Variants in FLVCR1 observed in about 807,000 individuals in gnomAD.
The protein encoded by FLVCR1 is FLVCR choline and heme transporter 1.
A neutral mutation model predicts 53.6 loss-of-function variants in FLVCR1; 34 were observed. The observed-to-expected ratio is 0.63, with a 90% CI of 0.48 to 0.84. The LOEUF is 0.84. Ranked by LOEUF, FLVCR1 falls within the 40% of genes least tolerant of loss-of-function variation. The probability of loss-of-function intolerance (pLI) is 0.00; values close to 1 mark genes in which losing one functional copy is unlikely to be tolerated. For synonymous variants in FLVCR1, 300 were observed against 286.3 expected (o/e 1.05, Z -0.48); for missense variants, 677 against 696.7 (o/e 0.97, Z 0.32).
chr1:212,875,614 G>C (rs1664729153), intron 3 of FLVCR1, among the ~76,000 whole-genome samples: 1 of 152,104 alleles, frequency 6.6e-6, no homozygotes, highest in South Asian at 2.1e-4. Context: ...AGGCCAAGGT[G>C]GGTGGATCAC....
In FLVCR1 at chr1:212,858,278, C is replaced by G; in HGVS notation, c.-175C>G. 1.6e-6 allele frequency: 1 copy of G among 638,056 alleles called. No homozygotes were observed. The highest frequency in any genetic ancestry group is 2.5e-6 in the Non-Finnish European group (1 of 397,850). The allele number at this position is 638,056 out of a possible 1,614,324, so 39.5% of individuals were successfully genotyped here. A position where few individuals can be genotyped will look rare whatever the true frequency, so the allele number is the denominator to read the frequency against. On this transcript the variant is annotated 5_prime_UTR_variant, in exon 1 of 10. Transcript: ENST00000366971. Reference sequence around the variant, plus strand: ...CTGCCGCGCGGCGCGGGGGAGGAGACCTTCATCTGTTCACGCGGTAGCGCG... The same window carrying G: ...CTGCCGCGCGGCGCGGGGGAGGAGAGCTTCATCTGTTCACGCGGTAGCGCG...
chr1:212,869,336 T>C (rs1319341423), intron 2 of FLVCR1, among the ~76,000 whole-genome samples: 1 of 152,244 alleles, frequency 6.6e-6, no homozygotes, highest in Non-Finnish European at 1.5e-5. Context: ...CCTTTGAAAG[T>C]AGCAGTTAGG....
chr1:212,877,275 A>G (rs1664779097), intron 3 of FLVCR1, among the ~76,000 whole-genome samples: 1 of 151,182 alleles, frequency 6.6e-6, no homozygotes, highest in Non-Finnish European at 1.5e-5. Flanking sequence ...TTTATATTAT[A>G]TTTTAATATA....
At chr1:212,885,546 G>A in intron 5 of FLVCR1, 150 bp downstream of exon 5, 1 of 289,692 alleles carries the variant, frequency 3.5e-6, no homozygotes, top group East Asian at 7.1e-5. Context: ...CTTAACAAGT[G>A]TTTCTTTTTT....
intron 9 of FLVCR1, 59 bp downstream of exon 9, chr1:212,895,112 C>A: frequency 7.2e-7 from 1 of 1,383,736 alleles, no homozygotes; most frequent in African/African-American, 1.4e-5. Context: ...AATGTGAAAC[C>A]ATATTTTTTT....
chr1:212,890,888 G>C (rs1278429797), intron 8 of FLVCR1, among the ~76,000 whole-genome samples: 1 of 152,156 alleles, frequency 6.6e-6, no homozygotes, highest in Non-Finnish European at 1.5e-5. Context: ...TTGTATGAAT[G>C]ATAGGAACCT....
intron 6 of FLVCR1, among the ~76,000 whole-genome samples, chr1:212,888,276 A>G (rs1379425769): frequency 6.6e-6 from 1 of 152,282 alleles, no homozygotes; most frequent in African/African-American, 2.4e-5. Context: ...CTAGAAGTAA[A>G]TTTTTCTCAG....
Position 212,895,356 on chromosome 1 carries a change from T to C in FLVCR1, c.*66T>C. The C allele has an allele frequency of 1.6e-6, 2 of 1,233,198 alleles. No homozygotes were observed. Among genetic ancestry groups the C allele is most frequent in the Non-Finnish European group, 1.2e-6 (1 of 832,634 alleles). 76.4% of individuals were successfully genotyped at this position (1,233,198 alleles called of 1,614,324 possible). On this transcript the variant is annotated 3_prime_UTR_variant, in exon 10 of 10. Coordinates refer to ENST00000366971, the MANE Select transcript of FLVCR1 (RefSeq NM_014053.4). Reference sequence around the variant, plus strand: ...ATGTGATCATCCTTGGAGAGAGATGTGAGCACCAAGGCTGGGTTTGTATGT... The same window carrying C: ...ATGTGATCATCCTTGGAGAGAGATGCGAGCACCAAGGCTGGGTTTGTATGT...
rs1021611903 is a variant in FLVCR1 at position 212,895,471 on chromosome 1, A to G, written c.*181A>G. 6 of 621,994 alleles carry G rather than the reference A, an allele frequency of 9.6e-6. No homozygotes were observed. In the African/African-American group the frequency reaches 1.1e-4, roughly 11 times the overall value. The allele number at this position is 621,994 out of a possible 1,614,324, so 38.5% of individuals were successfully genotyped here. On this transcript the variant is annotated 3_prime_UTR_variant, in exon 10 of 10. Coordinates refer to ENST00000366971, the MANE Select transcript of FLVCR1 (RefSeq NM_014053.4). ...TTGCTTAATTGTTAAATTAAGGGAA[A>G]TTTTCTTAAAATTCTTCTGTTTACA... is the stretch of plus-strand genomic sequence containing the variant.
intron 2 of FLVCR1, among the ~76,000 whole-genome samples, chr1:212,866,565 CA>C: frequency 6.6e-6 from 1 of 151,082 alleles, no homozygotes; most frequent in Non-Finnish European, 1.5e-5. Flanking sequence ...CGAAATCATA[CA>C]TGTGATGTGT....
At chr1:212,888,155 TAAG>T (rs1473027910) in intron 6 of FLVCR1, among the ~76,000 whole-genome samples, 154 bp downstream of exon 6, 1 of 152,224 alleles carries the variant, frequency 6.6e-6, no homozygotes, top group Non-Finnish European at 1.5e-5. Context: ...ATGTAATTCT[TAAG>T]AACTATTAAA....
At position 212,898,931 on chromosome 1, in the gene FLVCR1, A is replaced by T. The variant is rs1350729715; in HGVS notation, c.*3641A>T. On this transcript the variant is annotated 3_prime_UTR_variant, in exon 10 of 10. Transcript: ENST00000366971. ...CATAGAACAGATAATACATTGTGCT[A>T]CAATGTAACAATGGCTGTGGCATCA... 6.6e-6 allele frequency: 1 copy of T among 152,258 alleles called. No individual in the cohort carries two copies. The highest frequency in any genetic ancestry group is 1.5e-5 in the Non-Finnish European group (1 of 68,040). 9.4% of individuals were successfully genotyped at this position (152,258 alleles called of 1,614,324 possible).
chr1:212,861,044 C>T (rs1264906510), intron 1 of FLVCR1, among the ~76,000 whole-genome samples: 4 of 152,134 alleles, frequency 2.6e-5, no homozygotes, highest in Non-Finnish European at 4.4e-5. Context: ...AAATCTGTTC[C>T]GGGCACATCC....
intron 3 of FLVCR1, among the ~76,000 whole-genome samples, chr1:212,880,142 C>T (rs1178809478): frequency 1.3e-5 from 2 of 152,140 alleles, no homozygotes; most frequent in Non-Finnish European, 2.9e-5. Flanking sequence ...CCAGCGTGGT[C>T]CACGTGCATT....
At chr1:212,874,521 T>C (rs1210937596) in intron 3 of FLVCR1, among the ~76,000 whole-genome samples, 1 of 78,256 alleles carries the variant, frequency 1.3e-5, no homozygotes, top group East Asian at 7.5e-4. Context: ...TAATTTTCTT[T>C]TTTTCTTTTT....
chr1:212,861,175 C>G (rs546902746), intron 1 of FLVCR1, among the ~76,000 whole-genome samples: 13 of 152,318 alleles, frequency 8.5e-5, no homozygotes, highest in Middle Eastern at 3.4e-3. Context: ...TGCACAACCC[C>G]TGTCCCCACA....
At chr1:212,866,746 G>A (rs1190012533) in intron 2 of FLVCR1, among the ~76,000 whole-genome samples, 1 of 152,140 alleles carries the variant, frequency 6.6e-6, no homozygotes, top group Non-Finnish European at 1.5e-5. Context: ...CAGGTAGAGA[G>A]TGGAAATAGA....
intron 8 of FLVCR1, among the ~76,000 whole-genome samples, chr1:212,893,919 A>G (rs1418842039): frequency 2.6e-5 from 4 of 151,540 alleles, no homozygotes; most frequent in Non-Finnish European, 5.9e-5. Context: ...GGGATTACAG[A>G]TGCCCACCAC....
At chr1:212,871,402 G>GT (rs1047224050) in intron 2 of FLVCR1, among the ~76,000 whole-genome samples, 1 of 152,014 alleles carries the variant, frequency 6.6e-6, no homozygotes, top group African/African-American at 2.4e-5. Flanking sequence ...AGTTTTTTGT[G>GT]TTTTTTGTTT....
Sources: allele counts gnomAD v4.1 joint callset (sites outside exome capture counted in the v4.1 genomes callset), GRCh38; gene constraint gnomAD v4.1.1; transcripts MANE v1.5; gene names NCBI Gene and HGNC (gene_info 2026-07-23, HGNC 2026-07-21).